Variants in HECW1 observed in about 807,000 individuals in gnomAD.
HECW1 encodes HECT, C2 and WW domain containing E3 ubiquitin protein ligase 1.
HECW1 carries 61 observed loss-of-function variants against 182.3 expected under a neutral mutation model. The observed-to-expected ratio is 0.33, with a 90% CI of 0.27 to 0.41. The LOEUF is 0.41. Among genes scored for constraint, HECW1 ranks in the 10% least tolerant of loss-of-function variants. HECW1 has a pLI of 1.00. For synonymous variants in HECW1, 859 were observed against 832.6 expected (o/e 1.03, Z -0.55); for missense variants, 1,739 against 2,108.9 (o/e 0.82, Z 3.44).
At chr7:43,181,447 T>C (rs1022968915) in intron 2 of HECW1, among the ~76,000 whole-genome samples, 10 of 151,170 alleles carry the variant, frequency 6.6e-5, no homozygotes, top group Admixed American at 1.3e-4. Context: ...TGTACAAATT[T>C]ACACTTCCAC....
intron 2 of HECW1, among the ~76,000 whole-genome samples, chr7:43,171,356 AT>A (rs1253365838): frequency 6.6e-6 from 1 of 151,962 alleles, no homozygotes; most frequent in Non-Finnish European, 1.5e-5. Context: ...ATAAAATCTC[AT>A]TTTTTCACAG....
At chr7:43,266,945 G>C (rs1436205501) in intron 3 of HECW1, among the ~76,000 whole-genome samples, 1 of 152,140 alleles carries the variant, frequency 6.6e-6, no homozygotes, top group African/African-American at 2.4e-5. Context: ...ATTCTGTATT[G>C]ATGAAGTTAT....
intron 28 of HECW1, among the ~76,000 whole-genome samples, chr7:43,553,930 A>G (rs992670444): frequency 1.4e-4 from 21 of 152,212 alleles, no homozygotes; most frequent in Middle Eastern, 3.2e-3. Flanking sequence ...CTTGGCACAC[A>G]TAGATTTCTC....
At chr7:43,189,298 G>C (rs1427291300) in intron 2 of HECW1, among the ~76,000 whole-genome samples, 1 of 152,018 alleles carries the variant, frequency 6.6e-6, no homozygotes, top group African/African-American at 2.4e-5. Flanking sequence ...GCTTGTTAAG[G>C]GGCAGATTCT....
At chr7:43,172,896 AAC>A (rs1222457871) in intron 2 of HECW1, among the ~76,000 whole-genome samples, 4 of 152,178 alleles carry the variant, frequency 2.6e-5, no homozygotes, top group Non-Finnish European at 5.9e-5. Flanking sequence ...CAGCCAGAAA[AAC>A]ACATACAGCT....
chr7:43,497,370 C>T (rs763291508), intron 19 of HECW1, among the ~76,000 whole-genome samples: 2 of 152,058 alleles, frequency 1.3e-5, no homozygotes, highest in African/African-American at 2.4e-5. Flanking sequence ...TATCACCAAC[C>T]GGAAACATTT....
At chr7:43,388,779 T>C (rs1164323442) in intron 6 of HECW1, among the ~76,000 whole-genome samples, 2 of 152,154 alleles carry the variant, frequency 1.3e-5, no homozygotes, top group African/African-American at 4.8e-5. Flanking sequence ...TGTGCCACCA[T>C]GCCCAGCTGA....
intron 5 of HECW1, among the ~76,000 whole-genome samples, chr7:43,334,122 A>C (rs1372761892): frequency 2.6e-5 from 4 of 152,196 alleles, no homozygotes; most frequent in African/African-American, 7.2e-5. Flanking sequence ...TTTGGTGAGG[A>C]CAGAGATCTG....
intron 2 of HECW1, among the ~76,000 whole-genome samples, chr7:43,160,042 A>C (rs1470586507): frequency 6.6e-6 from 1 of 152,184 alleles, no homozygotes; most frequent in Non-Finnish European, 1.5e-5. Context: ...CCAATTGATA[A>C]ATGAGCAAAT....
chr7:43,447,521 C>G (rs574872440), intron 11 of HECW1, among the ~76,000 whole-genome samples: 1 of 152,226 alleles, frequency 6.6e-6, no homozygotes, highest in East Asian at 1.9e-4. Context: ...TTCACTATGG[C>G]GATCACAAGG....
At chr7:43,169,690 C>CTTTTTTTTTTTTTTTTTTTT (rs374141328) in intron 2 of HECW1, among the ~76,000 whole-genome samples, 1 of 113,482 alleles carries the variant, frequency 8.8e-6, no homozygotes, top group Admixed American at 8.9e-5. Flanking sequence ...TTTTTCTTTT[C>CTTTTTTTTTTTTTTTTTTTT]TTTTTTTTTT....
At chr7:43,164,543 T>G (rs1004449374) in intron 2 of HECW1, among the ~76,000 whole-genome samples, 6 of 152,202 alleles carry the variant, frequency 3.9e-5, no homozygotes, top group Admixed American at 6.5e-5. Flanking sequence ...GCACCCCTCC[T>G]GTGCTCCCCA....
intron 2 of HECW1, among the ~76,000 whole-genome samples, chr7:43,210,868 G>A (rs954871361): frequency 6.6e-6 from 1 of 152,200 alleles, no homozygotes; most frequent in Non-Finnish European, 1.5e-5. Context: ...GGTGGACGGC[G>A]AGCGAAAGCT....
chr7:43,262,240 A>ATGTGCGTGTG (rs1554333023), intron 3 of HECW1, among the ~76,000 whole-genome samples: 1 of 103,780 alleles, frequency 9.6e-6, no homozygotes, highest in Non-Finnish European at 2.0e-5. Context: ...ATATATATGT[A>ATGTGCGTGTG]TGTGTGCGTG....
intron 2 of HECW1, among the ~76,000 whole-genome samples, chr7:43,157,647 G>A (rs1790029822): frequency 6.6e-6 from 1 of 152,134 alleles, no homozygotes; most frequent in African/African-American, 2.4e-5. Context: ...TGCAACCTCT[G>A]TTTCCCAGGC....
rs1328586426 is a variant in HECW1 at position 43,292,006 on chromosome 7, T to C, written c.28-19757T>C. ...CCTTCTCCATTAATTCAGTCTCTAG[T>C]GATTCAGGGTCACCCTTCTCTTCCT... is the stretch of plus-strand genomic sequence containing the variant. On this transcript the variant is annotated intron_variant, in intron 3 of 29. Coordinates refer to ENST00000395891, the MANE Select transcript of HECW1 (RefSeq NM_015052.5). 1.3e-5 allele frequency among the ~76,000 whole-genome samples: 2 copies of C among 152,364 alleles called. 1 individual carries two copies. The highest frequency in any genetic ancestry group is 4.1e-4 in the South Asian group (2 of 4,828).
chr7:43,536,910 G>A (rs569377462), intron 24 of HECW1, among the ~76,000 whole-genome samples: 63 of 152,332 alleles, frequency 4.1e-4, no homozygotes, highest in African/African-American at 1.4e-3. Context: ...CACAGGCCAG[G>A]AAAAAGCACA....
chr7:43,250,431 G>A (rs985786506), intron 3 of HECW1, among the ~76,000 whole-genome samples: 1 of 152,178 alleles, frequency 6.6e-6, no homozygotes, highest in Admixed American at 6.5e-5. Context: ...AGATACAGCT[G>A]TTAGCAAACA....
chr7:43,133,375 T>G (rs1161618642), intron 2 of HECW1, among the ~76,000 whole-genome samples: 1 of 152,086 alleles, frequency 6.6e-6, no homozygotes, highest in African/African-American at 2.4e-5. Flanking sequence ...TGATTATTAT[T>G]CCCTGGAAAA....
Sources: gnomAD v4.1 joint callset for allele counts (sites outside exome capture counted in the v4.1 genomes callset) on GRCh38, gnomAD v4.1.1 for gene constraint, MANE v1.5 for transcripts, NCBI Gene and HGNC (gene_info 2026-07-23, HGNC 2026-07-21) for gene names.